The following KCTD7 variants were observed in gnomAD, a reference collection of about 807,000 sequenced individuals.
The protein encoded by KCTD7 is potassium channel tetramerization domain containing 7.
A neutral mutation model predicts 27.0 loss-of-function variants in KCTD7; 15 were observed. The ratio of observed to expected loss-of-function variants is 0.56; its 90% CI spans 0.37 to 0.86. The LOEUF is 0.86. Among genes scored for constraint, KCTD7 ranks in the 40% least tolerant of loss-of-function variants. The pLI, the probability that KCTD7 is intolerant of heterozygous loss-of-function variation, is 0.00. For missense variants in KCTD7, 299 were observed against 398.9 expected, an observed-to-expected ratio of 0.75 and a Z score of 2.13; for synonymous variants, 159 against 162.7, an observed-to-expected ratio of 0.98 and a Z score of 0.17.
Position 66,638,402 on chromosome 7 carries a change from C to T in KCTD7, c.464C>T (p.Ala155Val). The stretch of plus-strand genomic sequence containing the variant: ...CTGAAGGGCGAGAAGGTGCGCCAAG[C>T]GTTTCTGGGACTCATGCCCTATTAC... ...QPLKGEKVRQ[A>V]FLGLMPYYKD... is the part of the protein sequence containing the mutation. Residue 155 changes from alanine (A) to valine (V), a missense_variant, in exon 3 of 4, where the codon GCG becomes GTG. Coordinates refer to ENST00000639828, the MANE Select transcript of KCTD7 (RefSeq NM_153033.5). 6.2e-7 allele frequency: 1 copy of T among 1,614,194 alleles called. No homozygotes were observed. Among genetic ancestry groups the T allele is most frequent in the Non-Finnish European group, 8.5e-7 (1 of 1,180,034 alleles).
At chr7:66,630,029 T>C (rs955468197) in intron 1 of KCTD7, among the ~76,000 whole-genome samples, 6 of 152,138 alleles carry the variant, frequency 3.9e-5, no homozygotes, top group African/African-American at 1.4e-4. Context: ...CTCAGCAGTT[T>C]GGGATGCTGA....
chr7:66,639,265 G>A lies in KCTD7; in HGVS notation c.*33G>A. 6.2e-7 allele frequency: 1 copy of A among 1,604,262 alleles called. No individual in the cohort carries two copies. On this transcript the variant is annotated 3_prime_UTR_variant, in exon 4 of 4. Transcript: ENST00000639828. ...CGGTAGGCGAGAGTCCCATCAGGGAGGATGTCCACCTTGCTTGGTGGCTCT... is the reference window on the plus strand; with the variant it reads ...CGGTAGGCGAGAGTCCCATCAGGGAAGATGTCCACCTTGCTTGGTGGCTCT...
chr7:66,638,179 G>A, intron 2 of KCTD7, 74 bp from the exon 3 acceptor site: 1 of 1,504,822 alleles, frequency 6.6e-7, no homozygotes, highest in South Asian at 1.1e-5. Context: ...TTTAGATTTT[G>A]TCCAATGCAC....
At position 66,640,538 on chromosome 7, in the gene KCTD7, A is replaced by G. The variant is rs1786691696; in HGVS notation, c.*1306A>G. 2.0e-6 allele frequency: 3 copies of G among 1,490,104 alleles called. No homozygotes were observed. Among genetic ancestry groups the G allele is most frequent in the Non-Finnish European group, 2.7e-6 (3 of 1,124,264 alleles). The allele number at this position is 1,490,104 out of a possible 1,614,324, so 92.3% of individuals were successfully genotyped here. Reference sequence around the variant, plus strand: ...CCATTGATCACAATGTAACATTTCCATGCTGCATTAAGGGTGTCTCTCTCT... The same window carrying G: ...CCATTGATCACAATGTAACATTTCCGTGCTGCATTAAGGGTGTCTCTCTCT... On this transcript the variant is annotated 3_prime_UTR_variant, in exon 4 of 4. Coordinates refer to ENST00000639828, the MANE Select transcript of KCTD7 (RefSeq NM_153033.5).
chr7:66,632,884 A>AT (rs1163957316), intron 1 of KCTD7, among the ~76,000 whole-genome samples: 30 of 115,266 alleles, frequency 2.6e-4, no homozygotes, highest in Non-Finnish European at 3.8e-4. Flanking sequence ...TCTACTAAAA[A>AT]AATATATATA....
At chr7:66,632,412 G>A (rs1427876856) in intron 1 of KCTD7, among the ~76,000 whole-genome samples, 5 of 150,812 alleles carry the variant, frequency 3.3e-5, no homozygotes, top group African/African-American at 7.3e-5. Context: ...GTGTGAACCC[G>A]AGAGGCGGAG....
At position 66,637,486 on chromosome 7, in the gene KCTD7, T is replaced by A. The variant is rs533795194; in HGVS notation, c.315-767T>A. On this transcript the variant is annotated intron_variant, in intron 2 of 3. Transcript: ENST00000639828. ...TCAACAAGACAACAGGGTAAATAAATTACACCATATTCATGCAAGGGTATA... is the reference window on the plus strand; with the variant it reads ...TCAACAAGACAACAGGGTAAATAAAATACACCATATTCATGCAAGGGTATA... Among the ~76,000 whole-genome samples the A allele has an allele frequency of 2.0e-5, 3 of 152,126 alleles. No individual in the cohort carries two copies. The South Asian group carries it at 6.2e-4, about 32-fold the overall frequency.
rs144762900 is a variant in KCTD7 at position 66,629,373 on chromosome 7, C to A, written c.144+165C>A. Among the ~76,000 whole-genome samples the A allele has an allele frequency of 0.017, 2,609 of 150,472 alleles. 30 individuals carry two copies. Among genetic ancestry groups the A allele is most frequent in the Middle Eastern group, 0.052 (15 of 288 alleles). On this transcript the variant is annotated intron_variant, in intron 1 of 3. Transcript: ENST00000639828. Reference sequence around the variant, plus strand: ...CCTGCAACTCCCCCGCCCACCTGCACCCCTACCCACCCACCTTCAACCCCT... The same window carrying A: ...CCTGCAACTCCCCCGCCCACCTGCAACCCTACCCACCCACCTTCAACCCCT...
intron 2 of KCTD7, among the ~76,000 whole-genome samples, chr7:66,634,361 T>C (rs1288452881): frequency 6.6e-6 from 1 of 151,964 alleles, no homozygotes; most frequent in African/African-American, 2.4e-5. Context: ...GTTGTTTTTT[T>C]TTCGGGGGCT....
In KCTD7 at chr7:66,633,549, G is replaced by A. The variant is rs745373183; in HGVS notation, c.314+105G>A. 182 of 1,083,432 alleles carry A rather than the reference G, an allele frequency of 1.7e-4. 1 individual carries two copies. The Middle Eastern group carries it at 2.4e-3, about 14-fold the overall frequency. 67.1% of individuals were successfully genotyped at this position (1,083,432 alleles called of 1,614,324 possible). ...TCCATAGTACCTAGAAGAGGAGATA[G>A]CATATTGATGAAATTTAATAAATGG... On this transcript the variant is annotated intron_variant, in intron 2 of 3. Transcript: ENST00000639828.
At chr7:66,634,349 G>A (rs1324053473) in intron 2 of KCTD7, among the ~76,000 whole-genome samples, 4 of 151,676 alleles carry the variant, frequency 2.6e-5, no homozygotes, top group Non-Finnish European at 5.9e-5. Context: ...TAAGTTTTAG[G>A]TGTTGTTTTT....
intron 2 of KCTD7, among the ~76,000 whole-genome samples, chr7:66,633,725 G>A (rs953492582): frequency 2.0e-5 from 3 of 151,624 alleles, no homozygotes; most frequent in East Asian, 3.9e-4. Context: ...CGGTGCTCAT[G>A]CCTGTAATCC....
chr7:66,638,267 T>C lies in KCTD7; in HGVS notation c.329T>C (p.Phe110Ser). 6.2e-7 allele frequency: 1 copy of C among 1,614,228 alleles called. No homozygotes were observed. The highest frequency in any genetic ancestry group is 8.5e-7 in the Non-Finnish European group (1 of 1,180,048). The change falls in exon 3 of 4, where the codon TTC becomes TCC. Residue 110 changes from phenylalanine (F) to serine (S), a missense_variant. By Grantham distance (155) the Phe-to-Ser change is radical. Coordinates refer to ENST00000639828, the MANE Select transcript of KCTD7 (RefSeq NM_153033.5). Reference protein sequence around the residue: ...DGTHFGDVLNFLRSGDLPPRE... With the variant: ...DGTHFGDVLNSLRSGDLPPRE... ...TTCCTGCTTAGAGATGTGCTGAATTTCCTGCGCTCAGGGGACCTCCCACCC... is the reference window on the plus strand; with the variant it reads ...TTCCTGCTTAGAGATGTGCTGAATTCCCTGCGCTCAGGGGACCTCCCACCC...
Position 66,640,319 on chromosome 7 carries a change from G to T in KCTD7, c.*1087G>T. ...TTTTACTCCTCACTCCTCTATTTTT[G>T]TTTTACTCACTTCTTTATATTTTGT... On this transcript the variant is annotated 3_prime_UTR_variant, in exon 4 of 4. Coordinates refer to ENST00000639828, the MANE Select transcript of KCTD7 (RefSeq NM_153033.5). 1 of 1,533,242 alleles carries T rather than the reference G, an allele frequency of 6.5e-7. No individual in the cohort carries two copies. The highest frequency in any genetic ancestry group is 1.2e-5 in the South Asian group (1 of 83,440). The allele number at this position is 1,533,242 out of a possible 1,614,324, so 95.0% of individuals were successfully genotyped here. A position where few individuals can be genotyped will look rare whatever the true frequency, so the allele number is the denominator to read the frequency against.
In KCTD7 at chr7:66,641,125, C is replaced by T. The variant is rs993157386; in HGVS notation, c.*1893C>T. 4 of 985,286 alleles carry T rather than the reference C, an allele frequency of 4.1e-6. No individual in the cohort carries two copies. Among genetic ancestry groups the T allele is most frequent in the African/African-American group, 1.7e-5 (1 of 57,222 alleles). 61.0% of individuals were successfully genotyped at this position (985,286 alleles called of 1,614,324 possible). A position where few individuals can be genotyped will look rare whatever the true frequency, so the allele number is the denominator to read the frequency against. ...TCTAAGAGGAAAGGATAGTCATTCA[C>T]GTTCTGAGATATGCGCTCTCTCTAT... On this transcript the variant is annotated 3_prime_UTR_variant, in exon 4 of 4. Coordinates refer to ENST00000639828, the MANE Select transcript of KCTD7 (RefSeq NM_153033.5).
chr7:66,636,100 A>G (rs866685492), intron 2 of KCTD7, among the ~76,000 whole-genome samples: 12 of 152,018 alleles, frequency 7.9e-5, no homozygotes, highest in African/African-American at 2.2e-4. Context: ...CATCAGCAGC[A>G]GATGAAGTTG....
chr7:66,636,863 G>C (rs951289993), intron 2 of KCTD7, among the ~76,000 whole-genome samples: 2 of 152,188 alleles, frequency 1.3e-5, no homozygotes, highest in Admixed American at 1.3e-4. Flanking sequence ...ATTCAGCCCT[G>C]AAACCAGTTT....
chr7:66,639,050 G>A lies in KCTD7; in HGVS notation c.688G>A (p.Val230Met). ...QLFEHHCEVD[V>M]SFGPWEAVAD... ...TTTTGAGCACCACTGTGAAGTGGATGTGTCTTTTGGGCCCTGGGAGGCTGT... is the reference window on the plus strand; with the variant it reads ...TTTTGAGCACCACTGTGAAGTGGATATGTCTTTTGGGCCCTGGGAGGCTGT... Residue 230 changes from valine (V) to methionine (M), a missense_variant, in exon 4 of 4, where the codon GTG becomes ATG. By Grantham distance (21) the Val-to-Met change is conservative (BLOSUM62 1). Transcript: ENST00000639828. 6.2e-7 allele frequency: 1 copy of A among 1,614,170 alleles called. No homozygotes were observed. The highest frequency in any genetic ancestry group is 8.5e-7 in the Non-Finnish European group (1 of 1,180,018).
intron 2 of KCTD7, among the ~76,000 whole-genome samples, chr7:66,635,886 A>G (rs1786574367): frequency 1.3e-5 from 2 of 151,858 alleles, no homozygotes; most frequent in South Asian, 4.2e-4. Flanking sequence ...GCCTTGCCCC[A>G]GGGTTTTGTT....
Sources: gnomAD v4.1 joint callset for allele counts (sites outside exome capture counted in the v4.1 genomes callset) on GRCh38, gnomAD v4.1.1 for gene constraint, MANE v1.5 for transcripts, NCBI Gene and HGNC (gene_info 2026-07-23, HGNC 2026-07-21) for gene names.